Variants in EYS observed in about 807,000 individuals in gnomAD.
The protein encoded by EYS is EGF-like photoreceptor maintenance factor, also known as protein eyes shut homolog.
In EYS, 250 loss-of-function variants were observed where a neutral mutation model predicts 282.1. The observed-to-expected ratio is 0.89, with a 90% confidence interval of 0.80 to 0.98. The LOEUF is 0.98. Ranked by LOEUF, EYS falls within the 50% of genes least tolerant of loss-of-function variation. The pLI is 0.00. For synonymous variants in EYS, 1,355 were observed against 1,282.9 expected, an observed-to-expected ratio of 1.06 and a Z score of -1.20; for missense variants, 4,016 against 3,709.0, an observed-to-expected ratio of 1.08 and a Z score of -2.15.
intron 7 of EYS, among the ~76,000 whole-genome samples, chr6:65,399,944 T>C (rs547756750): frequency 2.5e-4 from 38 of 152,170 alleles, no homozygotes; most frequent in Admixed American, 8.5e-4. Flanking sequence ...TGCAATACAA[T>C]TTCTTAGTGT....
At chr6:65,119,563 C>T (rs557431323) in intron 12 of EYS, among the ~76,000 whole-genome samples, 1 of 151,452 alleles carries the variant, frequency 6.6e-6, no homozygotes, top group South Asian at 2.1e-4. Context: ...CTTTTAGGGT[C>T]CTCCACTGGG....
At chr6:64,485,737 C>T (rs533930671) in intron 26 of EYS, among the ~76,000 whole-genome samples, 44 of 151,562 alleles carry the variant, frequency 2.9e-4, no homozygotes, top group Admixed American at 2.4e-3. Flanking sequence ...GTTGAGGATG[C>T]TATTAGTAAA....
chr6:65,212,775 A>C (rs1047106251), intron 12 of EYS, among the ~76,000 whole-genome samples: 2 of 152,144 alleles, frequency 1.3e-5, no homozygotes, highest in Non-Finnish European at 2.9e-5. Flanking sequence ...CATGTTAAAA[A>C]ATTCATTAAT....
intron 22 of EYS, among the ~76,000 whole-genome samples, chr6:64,812,922 G>C (rs1764640288): frequency 6.6e-6 from 1 of 151,978 alleles, no homozygotes; most frequent in Non-Finnish European, 1.5e-5. Context: ...CAAAAATATA[G>C]TGATTGATAG....
chr6:65,215,847 G>A (rs1766298464), intron 12 of EYS, among the ~76,000 whole-genome samples: 1 of 152,158 alleles, frequency 6.6e-6, no homozygotes, highest in Non-Finnish European at 1.5e-5. Flanking sequence ...ACTTGCTGAA[G>A]GTTCAGATGA....
chr6:65,153,657 C>T (rs1324211368), intron 12 of EYS, among the ~76,000 whole-genome samples: 2 of 151,620 alleles, frequency 1.3e-5, no homozygotes, highest in Admixed American at 6.6e-5. Flanking sequence ...TCTGTATTCT[C>T]TTGTTAACTG....
At chr6:65,308,804 ATACATAGAGC>A (rs1287716919) in intron 11 of EYS, among the ~76,000 whole-genome samples, 8 of 149,760 alleles carry the variant, frequency 5.3e-5, no homozygotes, top group Non-Finnish European at 1.0e-4. Flanking sequence ...GCTTAGTATT[ATACATAGAGC>A]AAGAGGATTA....
At chr6:64,553,030 A>G (rs1765133880) in intron 26 of EYS, among the ~76,000 whole-genome samples, 1 of 151,082 alleles carries the variant, frequency 6.6e-6, no homozygotes, top group African/African-American at 2.4e-5. Context: ...TACAGATTCA[A>G]TCAATGTACA....
At chr6:65,460,068 T>C (rs140648091) in intron 5 of EYS, among the ~76,000 whole-genome samples, 14,803 of 136,444 alleles carry the variant, frequency 0.11, 1,246 homozygotes, top group African/African-American at 0.22. Flanking sequence ...TATATGTATA[T>C]ATGTATACAC....
chr6:64,584,194 G>A (rs1260656823), intron 26 of EYS, among the ~76,000 whole-genome samples: 1 of 151,850 alleles, frequency 6.6e-6, no homozygotes, highest in African/African-American at 2.4e-5. Flanking sequence ...TGTAAAGCAT[G>A]TAAAAAATAA....
chr6:64,421,781 A>G (rs1429803100), intron 28 of EYS, among the ~76,000 whole-genome samples: 1 of 152,030 alleles, frequency 6.6e-6, no homozygotes, highest in African/African-American at 2.4e-5. Context: ...ACTGCTGATT[A>G]GTGTTTTCAA....
At chr6:64,899,654 C>G (rs896296006) in intron 18 of EYS, among the ~76,000 whole-genome samples, 4 of 151,668 alleles carry the variant, frequency 2.6e-5, no homozygotes, top group Non-Finnish European at 5.9e-5. Context: ...AATAAAATAC[C>G]TAGGAATACA....
intron 36 of EYS, among the ~76,000 whole-genome samples, chr6:63,852,965 G>A (rs1459399012): frequency 6.6e-6 from 1 of 152,100 alleles, no homozygotes; most frequent in Non-Finnish European, 1.5e-5. Flanking sequence ...AATAAACTAG[G>A]TATTGATGGA....
chr6:65,165,030 A>C (rs1764939435), intron 12 of EYS, among the ~76,000 whole-genome samples: 1 of 151,348 alleles, frequency 6.6e-6, no homozygotes, highest in Non-Finnish European at 1.5e-5. Context: ...GGAATTGAAC[A>C]TATAACTTTA....
chr6:65,378,785 CA>C (rs147890812), intron 8 of EYS, among the ~76,000 whole-genome samples: 5,396 of 152,056 alleles, frequency 0.035, 122 homozygotes, highest in African/African-American at 0.065. Context: ...AACACAGGAA[CA>C]TAATACCGAA....
At chr6:64,127,823 G>C (rs1214467858) in intron 31 of EYS, among the ~76,000 whole-genome samples, 2 of 152,212 alleles carry the variant, frequency 1.3e-5, no homozygotes, top group Admixed American at 1.3e-4. Flanking sequence ...CCATCAATGA[G>C]AGCATGGAGG....
At chr6:63,787,332 T>C (rs1377900237) in intron 39 of EYS, 1 of 152,242 alleles carries the variant, frequency 6.6e-6, no homozygotes, top group Non-Finnish European at 1.5e-5. Context: ...CCCTTGGTGG[T>C]ATGGATGGGT....
chr6:64,309,453 T>G (rs867731989), intron 29 of EYS, among the ~76,000 whole-genome samples: 174 of 152,274 alleles, frequency 1.1e-3, no homozygotes, highest in African/African-American at 4.0e-3. Context: ...AATTCAAAAT[T>G]TCTTCATTTC....
At chr6:64,562,158 C>A (rs536398838) in intron 26 of EYS, among the ~76,000 whole-genome samples, 2 of 151,778 alleles carry the variant, frequency 1.3e-5, no homozygotes, top group East Asian at 1.9e-4. Context: ...TAGCAGAATT[C>A]TATTCATCAT....
Sources: allele counts gnomAD v4.1 joint callset (sites outside exome capture counted in the v4.1 genomes callset), GRCh38; gene constraint gnomAD v4.1.1; transcripts MANE v1.5; gene names NCBI Gene and HGNC (gene_info 2026-07-23, HGNC 2026-07-21).